Variants in ERC2 observed in about 807,000 individuals in gnomAD.
ERC2 encodes the protein ERC protein 2.
In ERC2, 42 loss-of-function variants were observed where a neutral mutation model predicts 114.8. The observed-to-expected ratio is 0.37, with a 90% CI of 0.29 to 0.47. The LOEUF (loss-of-function observed/expected upper bound fraction) is 0.47. Ranked by LOEUF, ERC2 falls within the 20% of genes least tolerant of loss-of-function variation. The pLI is 0.99. For missense variants in ERC2, 939 were observed against 1,150.7 expected (o/e 0.82, Z 2.66); for synonymous variants, 454 against 425.5 (o/e 1.07, Z -0.82).
intron 13 of ERC2, among the ~76,000 whole-genome samples, chr3:55,915,071 T>C (rs183725620): frequency 4.1e-4 from 62 of 152,278 alleles, no homozygotes; most frequent in Admixed American, 3.9e-3. Context: ...ATCCACCCTA[T>C]CGTTGAAATG....
chr3:56,194,548 G>T (rs181138709), intron 3 of ERC2, among the ~76,000 whole-genome samples: 18 of 152,306 alleles, frequency 1.2e-4, no homozygotes, highest in African/African-American at 3.8e-4. Context: ...ACTGGAAGTT[G>T]CTCTGGATCA....
chr3:55,938,791 C>T (rs1160111070), intron 13 of ERC2, among the ~76,000 whole-genome samples: 2 of 152,122 alleles, frequency 1.3e-5, no homozygotes, highest in Non-Finnish European at 2.9e-5. Context: ...GACAGCATAA[C>T]ATGAGCCTAG....
chr3:55,758,757 C>A (rs560283291), intron 14 of ERC2, among the ~76,000 whole-genome samples: 1 of 152,188 alleles, frequency 6.6e-6, no homozygotes, highest in Non-Finnish European at 1.5e-5. Context: ...GCCAAACCAA[C>A]TCCCTGCAAA....
chr3:56,082,588 C>G (rs1576854035), intron 6 of ERC2, among the ~76,000 whole-genome samples: 1 of 152,254 alleles, frequency 6.6e-6, no homozygotes, highest in East Asian at 1.9e-4. Context: ...AATCCAGGAA[C>G]TAACTCTTCA....
intron 2 of ERC2, among the ~76,000 whole-genome samples, chr3:56,314,640 A>AT (rs1049589655): frequency 5.3e-5 from 8 of 152,160 alleles, no homozygotes; most frequent in Admixed American, 3.9e-4. Flanking sequence ...AAAATAGCAC[A>AT]TAAAAAAAAA....
At chr3:56,112,343 G>A (rs1419220990) in intron 6 of ERC2, among the ~76,000 whole-genome samples, 1 of 151,888 alleles carries the variant, frequency 6.6e-6, no homozygotes, top group African/African-American at 2.4e-5. Context: ...AAAGCATAAT[G>A]CAAACTTTTA....
chr3:55,776,522 T>C (rs2068632200), intron 14 of ERC2, among the ~76,000 whole-genome samples: 1 of 152,078 alleles, frequency 6.6e-6, no homozygotes, highest in East Asian at 1.9e-4. Flanking sequence ...TCTTGGGAAC[T>C]CGAGACCAGA....
chr3:55,997,880 G>GTTTGTTTTTTTTTTT (rs1559996207), intron 10 of ERC2, among the ~76,000 whole-genome samples: 1 of 44,788 alleles, frequency 2.2e-5, no homozygotes, highest in Non-Finnish European at 4.0e-5. Flanking sequence ...TCTTAATTCT[G>GTTTGTTTTTTTTTTT]TTTTTTTTTT....
At chr3:55,869,777 C>T (rs1303893583) in intron 14 of ERC2, among the ~76,000 whole-genome samples, 1 of 152,090 alleles carries the variant, frequency 6.6e-6, no homozygotes, top group Non-Finnish European at 1.5e-5. Flanking sequence ...GATGCAGCAC[C>T]CTCCCAGAGA....
At chr3:55,565,406 C>T (rs1460628581) in intron 17 of ERC2, among the ~76,000 whole-genome samples, 1 of 152,120 alleles carries the variant, frequency 6.6e-6, no homozygotes, top group Non-Finnish European at 1.5e-5. Flanking sequence ...GTACTGGAAG[C>T]CTGCTGGGAA....
intron 3 of ERC2, among the ~76,000 whole-genome samples, chr3:56,212,611 C>T (rs897737881): frequency 8.5e-5 from 13 of 152,120 alleles, no homozygotes; most frequent in Admixed American, 7.2e-4. Context: ...TGGGTATCTA[C>T]CCAGAGGAAA....
chr3:55,858,797 A>C (rs1374353925), intron 14 of ERC2, among the ~76,000 whole-genome samples: 2 of 151,464 alleles, frequency 1.3e-5, no homozygotes, highest in Non-Finnish European at 2.9e-5. Flanking sequence ...CCTCAACACC[A>C]CTCTCTGCTT....
intron 14 of ERC2, among the ~76,000 whole-genome samples, chr3:55,744,861 G>A (rs894557002): frequency 5.3e-5 from 8 of 152,174 alleles, no homozygotes; most frequent in African/African-American, 9.7e-5. Context: ...ACCGGTAACC[G>A]GATCATCGTG....
chr3:56,124,992 C>G (rs1301107678), intron 6 of ERC2, among the ~76,000 whole-genome samples: 1 of 152,156 alleles, frequency 6.6e-6, no homozygotes, highest in Non-Finnish European at 1.5e-5. Context: ...TGATCTTACT[C>G]TATTGTATTT....
At chr3:55,548,285 G>A (rs932634575) in intron 17 of ERC2, among the ~76,000 whole-genome samples, 3 of 152,188 alleles carry the variant, frequency 2.0e-5, no homozygotes, top group South Asian at 2.1e-4. Context: ...CCTAGTGCTC[G>A]TCTCCCAACG....
intron 10 of ERC2, among the ~76,000 whole-genome samples, chr3:55,993,467 G>A (rs944248718): frequency 2.6e-5 from 4 of 151,632 alleles, no homozygotes; most frequent in South Asian, 2.1e-4. Flanking sequence ...CTAATACTAC[G>A]GTTAGAAGGT....
chr3:55,827,199 G>T (rs2060359414), intron 14 of ERC2, among the ~76,000 whole-genome samples: 1 of 150,698 alleles, frequency 6.6e-6, no homozygotes, highest in Non-Finnish European at 1.5e-5. Context: ...TCATTGTAAG[G>T]AAAGAAAATA....
In ERC2 at chr3:56,217,684, A is replaced by G. The variant is rs1391983299; in HGVS notation, c.1075-44164T>C. The stretch of plus-strand genomic sequence containing the variant: ...AAAAAACAGCCTGCATTGCCAAGTC[A>G]ATCCTAAGCCAAAAGAACAAAGCTG... On this transcript the variant is annotated intron_variant, in intron 3 of 17. Transcript: ENST00000288221. 7.9e-5 allele frequency among the ~76,000 whole-genome samples: 12 copies of G among 152,248 alleles called. 1 individual carries two copies. In the South Asian group the frequency reaches 2.3e-3, roughly 29 times the overall value.
At position 55,988,825 on chromosome 3, in the gene ERC2, T is replaced by C. The variant is rs1380158635; in HGVS notation, c.2256-2837A>G. Among the ~76,000 whole-genome samples, 5 of 152,364 alleles carry C rather than the reference T, an allele frequency of 3.3e-5. No individual in the cohort carries two copies. The East Asian group carries it at 9.6e-4, about 29-fold the overall frequency. On this transcript the variant is annotated intron_variant, in intron 11 of 17. Transcript: ENST00000288221. ...TGTCACATTGCTAAGAACTCTTTAG[T>C]TGTCAATATTGTGAGGTATGAATTT...
Sources: allele counts gnomAD v4.1 joint callset (sites outside exome capture counted in the v4.1 genomes callset), GRCh38; gene constraint gnomAD v4.1.1; transcripts MANE v1.5; gene names NCBI Gene and HGNC (gene_info 2026-07-23, HGNC 2026-07-21).